The following WDR72 variants were observed in gnomAD, a reference collection of about 807,000 sequenced individuals.
The protein encoded by WDR72 is WD repeat domain 72.
In WDR72, 120 loss-of-function variants were observed where a neutral mutation model predicts 124.2. The ratio of observed to expected loss-of-function variants is 0.97; its 90% CI spans 0.83 to 1.12. The LOEUF is 1.12. WDR72 is among the 50% of genes most tolerant of loss of function. The pLI, the probability that WDR72 is intolerant of heterozygous loss-of-function variation, is 0.00. For synonymous variants in WDR72, 452 were observed against 441.7 expected, an observed-to-expected ratio of 1.02 and a Z score of -0.29; for missense variants, 1,387 against 1,278.8, an observed-to-expected ratio of 1.08 and a Z score of -1.29.
intron 18 of WDR72, among the ~76,000 whole-genome samples, chr15:53,530,024 T>C (rs1260279481): frequency 6.6e-6 from 1 of 151,778 alleles, no homozygotes; most frequent in Non-Finnish European, 1.5e-5. Flanking sequence ...TTTCTTTATG[T>C]TCTCCTTTGG....
At chr15:53,702,852 G>A (rs963736500) in intron 11 of WDR72, among the ~76,000 whole-genome samples, 5 of 151,556 alleles carry the variant, frequency 3.3e-5, no homozygotes, top group East Asian at 1.9e-4. Context: ...TGAATACTTC[G>A]TACATTTACC....
rs185192685 is a variant in WDR72, at chr15:53,613,847, T to C, written c.2781-90A>G. The C allele has an allele frequency of 4.7e-5, 39 of 826,578 alleles. No individual in the cohort carries two copies. In the East Asian group the frequency reaches 9.2e-4, roughly 19 times the overall value. The allele number at this position is 826,578 out of a possible 1,614,324, so 51.2% of individuals were successfully genotyped here. On this transcript the variant is annotated intron_variant, in intron 15 of 19. Transcript: ENST00000360509. ...CAAAGATATGGGTACATGACCACTT[T>C]AGCAAATTTGGAAATTGAATACAAA... is the stretch of plus-strand genomic sequence containing the variant.
chr15:53,611,527 T>A (rs758047000), intron 16 of WDR72, among the ~76,000 whole-genome samples: 3 of 152,062 alleles, frequency 2.0e-5, no homozygotes, highest in Admixed American at 2.0e-4. Flanking sequence ...AAACACTGGA[T>A]AACTAACCCT....
intron 18 of WDR72, among the ~76,000 whole-genome samples, chr15:53,543,540 C>T (rs1893269712): frequency 6.7e-6 from 1 of 150,198 alleles, no homozygotes; most frequent in South Asian, 2.2e-4. Flanking sequence ...CAAGAGAAAG[C>T]AGGAAAGATC....
Position 53,616,037 on chromosome 15 carries a change from C to T in WDR72, c.2169G>A (p.Lys723=), listed in dbSNP as rs760921850. 2.5e-6 allele frequency: 4 copies of T among 1,612,992 alleles called. No homozygotes were observed. In the South Asian group the frequency reaches 4.4e-5, roughly 18 times the overall value. The change falls in exon 15 of 20, where the codon AAG becomes AAA. Residue 723 remains lysine (K), a synonymous_variant. Transcript: ENST00000360509. ...TTTTACTTTTTCTCAGTGTCAGTGT[C>T]TTCTTCTCCACTGTGCTCTTGGCTC... ...LRRAKSTVEK[K]TLTLRKSKTA...
Position 53,715,201 on chromosome 15 carries a change from C to G in WDR72, c.506G>C (p.Arg169Thr). The G allele has an allele frequency of 6.2e-7, 1 of 1,614,032 alleles. No homozygotes were observed. Among genetic ancestry groups the G allele is most frequent in the South Asian group, 1.1e-5 (1 of 91,066 alleles). ...TAATATCCAACTATTACCTTGAATTCTCATGGAGTGAACAATGCACATGCA... is the reference window on the plus strand; with the variant it reads ...TAATATCCAACTATTACCTTGAATTGTCATGGAGTGAACAATGCACATGCA... ...INCMCIVHSMRIQEDSLLVVS... is the reference protein window; with the variant it reads ...INCMCIVHSMTIQEDSLLVVS... The change falls in exon 5 of 20, where the codon AGA becomes ACA. Residue 169 changes from arginine to threonine, a missense_variant. By Grantham distance (71) the Arg-to-Thr change is moderately conservative. Coordinates refer to ENST00000360509, the MANE Select transcript of WDR72 (RefSeq NM_182758.4).
At chr15:53,540,390 T>A (rs1595743885) in intron 18 of WDR72, among the ~76,000 whole-genome samples, 1 of 152,096 alleles carries the variant, frequency 6.6e-6, no homozygotes, top group African/African-American at 2.4e-5. Flanking sequence ...GGAATGGAAC[T>A]AGCACAGAAA....
intron 18 of WDR72, among the ~76,000 whole-genome samples, chr15:53,575,013 A>ACC (rs1894698317): frequency 7.1e-6 from 1 of 141,748 alleles, no homozygotes; most frequent in Non-Finnish European, 1.5e-5. Context: ...CACAACACAC[A>ACC]CACACACACA....
chr15:53,674,095 T>A (rs929973049), intron 13 of WDR72, among the ~76,000 whole-genome samples: 1 of 152,186 alleles, frequency 6.6e-6, no homozygotes, highest in Non-Finnish European at 1.5e-5. Flanking sequence ...AGCAAGAACA[T>A]GTGAGTGGAC....
intron 14 of WDR72, among the ~76,000 whole-genome samples, chr15:53,658,885 G>A (rs147674320): frequency 6.6e-6 from 1 of 152,258 alleles, no homozygotes; most frequent in East Asian, 1.9e-4. Flanking sequence ...ATCTACAGAA[G>A]AGAAAAGAAC....
intron 17 of WDR72, among the ~76,000 whole-genome samples, chr15:53,607,661 T>A (rs2013346050): frequency 1.3e-5 from 2 of 151,930 alleles, no homozygotes; most frequent in African/African-American, 4.8e-5. Flanking sequence ...ACAAATGGAA[T>A]CACATCAAAT....
At chr15:53,711,311 G>T in intron 8 of WDR72, 25 bp downstream of exon 8, 1 of 1,613,972 alleles carries the variant, frequency 6.2e-7, no homozygotes, top group Non-Finnish European at 8.5e-7. Context: ...TGAATGTTTT[G>T]TATGCCGCTC....
At chr15:53,629,700 G>A (rs2014347480) in intron 14 of WDR72, among the ~76,000 whole-genome samples, 1 of 152,134 alleles carries the variant, frequency 6.6e-6, no homozygotes, top group Non-Finnish European at 1.5e-5. Context: ...ATGGCTGGAT[G>A]TGAGTAAAAA....
chr15:53,539,690 AAAGT>A (rs1892967128), intron 18 of WDR72, among the ~76,000 whole-genome samples: 1 of 152,026 alleles, frequency 6.6e-6, no homozygotes, highest in South Asian at 2.1e-4. Flanking sequence ...CTACATACAG[AAAGT>A]GAGAGAGAAA....
chr15:53,599,338 C>T (rs185435287), intron 17 of WDR72, among the ~76,000 whole-genome samples: 2 of 152,088 alleles, frequency 1.3e-5, no homozygotes, highest in Admixed American at 6.6e-5. Flanking sequence ...ATCACTGGTT[C>T]CATGATGTGG....
chr15:53,649,571 T>G (rs1015264413), intron 14 of WDR72, among the ~76,000 whole-genome samples: 1 of 152,028 alleles, frequency 6.6e-6, no homozygotes, highest in South Asian at 2.1e-4. Context: ...AGTCCAAGAA[T>G]TCTTACAACT....
upstream of WDR72, among the ~76,000 whole-genome samples, chr15:53,759,914 T>A (rs1164174318): frequency 6.7e-6 from 1 of 149,416 alleles, no homozygotes; most frequent in East Asian, 2.0e-4. Context: ...CGGTTGCCTG[T>A]CCTCTCAGGG....
intron 13 of WDR72, among the ~76,000 whole-genome samples, 180 bp downstream of exon 13, chr15:53,699,570 G>A (rs1437795428): frequency 6.6e-6 from 1 of 152,182 alleles, no homozygotes; most frequent in African/African-American, 2.4e-5. Flanking sequence ...GTCAGGATCT[G>A]ACTTAGGCCG....
At chr15:53,685,579 G>C (rs1316866472) in intron 13 of WDR72, among the ~76,000 whole-genome samples, 2 of 147,934 alleles carry the variant, frequency 1.4e-5, no homozygotes, top group African/African-American at 5.0e-5. Flanking sequence ...CCAAATCTAT[G>C]TCTGATTGGT....
Sources: allele counts gnomAD v4.1 joint callset (sites outside exome capture counted in the v4.1 genomes callset), GRCh38; gene constraint gnomAD v4.1.1; transcripts MANE v1.5; gene names NCBI Gene and HGNC (gene_info 2026-07-23, HGNC 2026-07-21).